The following PSMG2 variants were observed in gnomAD, a reference collection of about 807,000 sequenced individuals.
PSMG2 encodes the protein proteasome assembly chaperone 2.
PSMG2 carries 21 observed loss-of-function variants against 31.5 expected under a neutral mutation model. The observed-to-expected ratio is 0.67, with a 90% CI of 0.47 to 0.96. The LOEUF (loss-of-function observed/expected upper bound fraction) is 0.96, where lower values mean the gene tolerates loss of function less well. Among genes scored for constraint, PSMG2 ranks in the 40% least tolerant of loss-of-function variants. The pLI is 0.00. For missense variants in PSMG2, 318 were observed against 321.2 expected, an observed-to-expected ratio of 0.99 and a Z score of 0.08; for synonymous variants, 120 against 110.4, an observed-to-expected ratio of 1.09 and a Z score of -0.54.
At position 12,720,500 on chromosome 18, in the gene PSMG2, T is replaced by C; in HGVS notation, c.408-10T>C. On this transcript the variant is annotated splice_polypyrimidine_tract_variant and intron_variant, in intron 4 of 6. Coordinates refer to ENST00000317615, the MANE Select transcript of PSMG2 (RefSeq NM_020232.5). ...AGTTTTTAAAAAGTTAACTATATGA[T>C]TATTTCTAGTACTCCCTTCCGGTAC... The C allele has an allele frequency of 6.4e-7, 1 of 1,560,886 alleles. No homozygotes were observed. Among genetic ancestry groups the C allele is most frequent in the Non-Finnish European group, 8.6e-7 (1 of 1,156,904 alleles).
At chr18:12,695,225 CAA>C (rs761635273) in intron 1 of PSMG2, 2 of 1,042,216 alleles carry the variant, frequency 1.9e-6, no homozygotes, top group Admixed American at 5.1e-5. Flanking sequence ...AACAAACACA[CAA>C]AAAAAGAGAA....
upstream of PSMG2, chr18:12,702,930 C>T (rs1259046643): frequency 5.8e-6 from 4 of 684,108 alleles, no homozygotes; most frequent in Admixed American, 7.1e-5. Context: ...CACCCGGCGG[C>T]CTCTTTCCGC....
At chr18:12,674,337 G>A (rs1376163777) in intron 1 of PSMG2, among the ~76,000 whole-genome samples, 1 of 151,914 alleles carries the variant, frequency 6.6e-6, no homozygotes, top group East Asian at 1.9e-4. Context: ...AGTTGCCTGG[G>A]AGGGTGAGGT....
chr18:12,684,722 A>T (rs1175789619), intron 1 of PSMG2: 1 of 151,736 alleles, frequency 6.6e-6, no homozygotes, highest in Admixed American at 6.6e-5. Context: ...ACCACAGGTG[A>T]TCCACCCTCC....
intron 1 of PSMG2, chr18:12,695,281 C>T (rs140666186): frequency 1.2e-5 from 18 of 1,554,172 alleles, no homozygotes; most frequent in African/African-American, 6.8e-5. Context: ...CTTGAGATAA[C>T]GTTTGATTGA....
intron 1 of PSMG2, among the ~76,000 whole-genome samples, chr18:12,704,535 G>A (rs750690686): frequency 3.9e-5 from 6 of 152,200 alleles, no homozygotes; most frequent in Non-Finnish European, 8.8e-5. Flanking sequence ...GCTGCAGTGA[G>A]CTGAAATCGT....
intron 6 of PSMG2, chr18:12,724,977 C>T (rs145552057): frequency 4.1e-5 from 13 of 314,758 alleles, no homozygotes; most frequent in Admixed American, 3.8e-4. Context: ...GTGAGCAATA[C>T]TGTAGCTATT....
At position 12,725,735 on chromosome 18, in the gene PSMG2, A is replaced by C; in HGVS notation, c.*204A>C. On this transcript the variant is annotated 3_prime_UTR_variant, in exon 7 of 7. Transcript: ENST00000317615. ...TTTGTACAATAAAATTTTATTTCCTAAGTAATTTTGTCTTAAATGTATTTT... is the reference window on the plus strand; with the variant it reads ...TTTGTACAATAAAATTTTATTTCCTCAGTAATTTTGTCTTAAATGTATTTT... The C allele has an allele frequency of 2.4e-6, 1 of 417,050 alleles. No individual in the cohort carries two copies. Among genetic ancestry groups the C allele is most frequent in the South Asian group, 7.0e-5 (1 of 14,286 alleles). The allele number at this position is 417,050 out of a possible 1,614,324, so 25.8% of individuals were successfully genotyped here.
At chr18:12,699,729 T>TG (rs1406653365), upstream of PSMG2, 7 of 662,356 alleles carry the variant, frequency 1.1e-5, no homozygotes, top group South Asian at 2.8e-5. Flanking sequence ...TATTTTATTT[T>TG]GGGGGGAAAA....
At chr18:12,720,436 C>T (rs1349432839) in intron 4 of PSMG2, 74 bp from the exon 5 acceptor site, 1 of 1,263,124 alleles carries the variant, frequency 7.9e-7, no homozygotes, top group Non-Finnish European at 1.1e-6. Context: ...TATATGGAGA[C>T]CAAGAGAATT....
At chr18:12,676,765 G>A (rs4797700) in intron 1 of PSMG2, among the ~76,000 whole-genome samples, 121,454 of 152,074 alleles carry the variant, frequency 0.8, 48,940 homozygotes, top group Non-Finnish European at 0.83. Context: ...TTTCCAAAAT[G>A]TATGTTTAAA....
At chr18:12,723,210 G>A (rs2040446870) in intron 5 of PSMG2, among the ~76,000 whole-genome samples, 1 of 151,946 alleles carries the variant, frequency 6.6e-6, no homozygotes, top group Non-Finnish European at 1.5e-5. Flanking sequence ...TGTCAGTCTC[G>A]TGCTTTCAAG....
At chr18:12,666,380 C>T (rs990045149) in intron 1 of PSMG2, among the ~76,000 whole-genome samples, 17 of 150,602 alleles carry the variant, frequency 1.1e-4, no homozygotes, top group African/African-American at 3.9e-4. Flanking sequence ...GGTCATTCTT[C>T]AACTGTGATA....
intron 1 of PSMG2, among the ~76,000 whole-genome samples, chr18:12,659,495 T>C (rs527315753): frequency 2.8e-4 from 42 of 152,198 alleles, no homozygotes; most frequent in East Asian, 1.4e-3. Flanking sequence ...GGGGAAACCC[T>C]GTCTCTACTA....
intron 1 of PSMG2, chr18:12,691,515 T>C: frequency 6.6e-7 from 1 of 1,526,168 alleles, no homozygotes; most frequent in Non-Finnish European, 8.9e-7. Context: ...TATTTTTCAA[T>C]TTCTATTCAT....
At chr18:12,716,630 G>T (rs919589577) in intron 3 of PSMG2, among the ~76,000 whole-genome samples, 3 of 151,984 alleles carry the variant, frequency 2.0e-5, no homozygotes, top group Admixed American at 2.0e-4. Flanking sequence ...TCCTGACCTT[G>T]TGATCTGCCC....
At chr18:12,722,509 T>G (rs1169382322) in intron 5 of PSMG2, among the ~76,000 whole-genome samples, 1 of 152,096 alleles carries the variant, frequency 6.6e-6, no homozygotes, top group African/African-American at 2.4e-5. Context: ...GGGTCTGTCT[T>G]CTTGGGTATA....
chr18:12,687,354 C>T (rs1318457183), intron 1 of PSMG2, among the ~76,000 whole-genome samples: 1 of 151,982 alleles, frequency 6.6e-6, no homozygotes, highest in Non-Finnish European at 1.5e-5. Context: ...CACTTATTTA[C>T]ATTTGATTAT....
At chr18:12,691,363 G>C (rs1443651689) in intron 1 of PSMG2, 2 of 1,569,188 alleles carry the variant, frequency 1.3e-6, no homozygotes, top group Non-Finnish European at 1.7e-6. Context: ...ACAAACCTGT[G>C]CAAAAATCTT....
Sources: allele counts gnomAD v4.1 joint callset (sites outside exome capture counted in the v4.1 genomes callset), GRCh38; gene constraint gnomAD v4.1.1; transcripts MANE v1.5; gene names NCBI Gene and HGNC (gene_info 2026-07-23, HGNC 2026-07-21).